Variants in ADGRD1 observed in about 807,000 individuals in gnomAD.
ADGRD1 encodes the protein G-protein coupled receptor 133.
ADGRD1 carries 77 observed loss-of-function variants against 113.4 expected under a neutral mutation model. That is an observed-to-expected ratio of 0.68 (90% confidence interval 0.57 to 0.82). The LOEUF (loss-of-function observed/expected upper bound fraction) is 0.82. ADGRD1 is among the 40% of genes least tolerant of loss of function. ADGRD1 has a pLI of 0.00. For missense variants in ADGRD1, 1,036 were observed against 1,139.1 expected (o/e 0.91, Z 1.30); for synonymous variants, 474 against 475.0 (o/e 1.00, Z 0.03).
At position 130,987,444 on chromosome 12, in the gene ADGRD1, A is replaced by T. The variant is rs761722223; in HGVS notation, c.745+95A>T. 3 of 1,424,624 alleles carry T rather than the reference A, an allele frequency of 2.1e-6. No individual in the cohort carries two copies. The African/African-American group carries it at 4.2e-5, about 20-fold the overall frequency. 88.2% of individuals were successfully genotyped at this position (1,424,624 alleles called of 1,614,324 possible). A position where few individuals can be genotyped will look rare whatever the true frequency, so the allele number is the denominator to read the frequency against. On this transcript the variant is annotated intron_variant, in intron 6 of 24. Transcript: ENST00000261654. ...TTCTCCCCACTCTCCCGTTGCAGCT[A>T]TCAGCACTGCAGGCGTGAGATGTGT... is the stretch of plus-strand genomic sequence containing the variant.
At chr12:131,044,920 G>C (rs1593109767) in intron 13 of ADGRD1, among the ~76,000 whole-genome samples, 1 of 152,372 alleles carries the variant, frequency 6.6e-6, no homozygotes, top group African/African-American at 2.4e-5. Flanking sequence ...GGTTCGTGTG[G>C]CTGGTCCCTG....
rs1870908308 is a variant in ADGRD1 at position 130,965,521 on chromosome 12, C to G, written c.104-942C>G. On this transcript the variant is annotated intron_variant, in intron 2 of 24. Transcript: ENST00000261654. This position sits in a 1 kb window ranked among gnomAD's most constrained non-coding sequence, Gnocchi z 4.8. ...ACTTCTGTGAATGAATCCCAGAGGA[C>G]TAATCCCCGAGAAGACTAAAATTGT... 6.6e-6 allele frequency among the ~76,000 whole-genome samples: 1 copy of G among 152,088 alleles called. No individual in the cohort carries two copies. The highest frequency in any genetic ancestry group is 1.5e-5 in the Non-Finnish European group (1 of 68,032).
intron 14 of ADGRD1, among the ~76,000 whole-genome samples, chr12:131,077,234 G>C (rs993072171): frequency 1.4e-5 from 2 of 147,076 alleles, no homozygotes; most frequent in Non-Finnish European, 3.0e-5. Context: ...TGGAGCAGCT[G>C]AGGAAGGGGG....
At position 131,078,219 on chromosome 12, in the gene ADGRD1, C is replaced by T. The variant is rs567721596; in HGVS notation, c.1547+1345C>T. On this transcript the variant is annotated intron_variant, in intron 14 of 24. Coordinates refer to ENST00000261654, the MANE Select transcript of ADGRD1 (RefSeq NM_198827.5). The stretch of plus-strand genomic sequence containing the variant: ...AGACGCTGAGCTGGGGGTGCAGCAG[C>T]AGGTCGGCATAATCTCCCTTTATCT... Among the ~76,000 whole-genome samples the T allele has an allele frequency of 6.6e-5, 10 of 152,336 alleles. No homozygotes were observed. In the East Asian group the frequency reaches 9.6e-4, roughly 15 times the overall value.
At chr12:130,972,917 C>T (rs1029421278) in intron 4 of ADGRD1, among the ~76,000 whole-genome samples, 3 of 152,032 alleles carry the variant, frequency 2.0e-5, no homozygotes, top group African/African-American at 4.8e-5. Flanking sequence ...ATGGGACCAG[C>T]GGGAAATCAG....
At chr12:131,127,557 T>C (rs1950768543) in intron 20 of ADGRD1, among the ~76,000 whole-genome samples, 2 of 145,798 alleles carry the variant, frequency 1.4e-5, no homozygotes, top group Non-Finnish European at 3.0e-5. Context: ...GAGGTGTTGG[T>C]TGGGTTGGTT....
chr12:131,086,205 G>A (rs1357538537), intron 15 of ADGRD1, among the ~76,000 whole-genome samples: 12 of 152,320 alleles, frequency 7.9e-5, no homozygotes, highest in South Asian at 2.1e-4. Context: ...GCTGCCCCGC[G>A]TGTCCTGCGT....
intron 15 of ADGRD1, among the ~76,000 whole-genome samples, chr12:131,093,421 G>A (rs984336900): frequency 7.2e-5 from 11 of 152,210 alleles, no homozygotes; most frequent in Non-Finnish European, 1.0e-4. Context: ...TGCAGCCTCC[G>A]CCCAGACCCA....
At chr12:131,065,752 A>G (rs1168186670) in intron 13 of ADGRD1, among the ~76,000 whole-genome samples, 7 of 151,146 alleles carry the variant, frequency 4.6e-5, no homozygotes, top group Non-Finnish European at 3.0e-5. Flanking sequence ...GAGAGGGGGT[A>G]TTTTTATCAG....
rs1355893167 is a variant in ADGRD1, at chr12:130,966,260, G to C, written c.104-203G>C. Among the ~76,000 whole-genome samples the C allele has an allele frequency of 6.6e-6, 1 of 152,108 alleles. No individual in the cohort carries two copies. The highest frequency in any genetic ancestry group is 6.5e-5 in the Admixed American group (1 of 15,274). On this transcript the variant is annotated intron_variant, in intron 2 of 24. Coordinates refer to ENST00000261654, the MANE Select transcript of ADGRD1 (RefSeq NM_198827.5). The surrounding 1 kb of genome is among the most constrained non-coding windows in gnomAD (Gnocchi z 4.6). ...ATTTACCCTGTTTTGTCCAGTTAAGGAACTATTTACCAACTTCTAATTTAA... is the reference window on the plus strand; with the variant it reads ...ATTTACCCTGTTTTGTCCAGTTAAGCAACTATTTACCAACTTCTAATTTAA...
chr12:131,002,414 A>G (rs1876500710), intron 9 of ADGRD1: 2 of 656,596 alleles, frequency 3.0e-6, no homozygotes, highest in African/African-American at 3.9e-5. Flanking sequence ...TGGCCTCAGC[A>G]TTCTATTTCC....
chr12:130,997,714 T>C lies in ADGRD1; in HGVS notation c.967-2669T>C, dbSNP rs1364586167. Among the ~76,000 whole-genome samples, 4 of 146,118 alleles carry C rather than the reference T, an allele frequency of 2.7e-5. No individual in the cohort carries two copies. In the Admixed American group the frequency reaches 2.7e-4, roughly 10 times the overall value. On this transcript the variant is annotated intron_variant, in intron 8 of 24. Coordinates refer to ENST00000261654, the MANE Select transcript of ADGRD1 (RefSeq NM_198827.5). ...GGCCGGGCAGAGACGCTCCTCACTT[T>C]CCAGACTGGGCAGCCAGGCAGAGGG...
intron 15 of ADGRD1, among the ~76,000 whole-genome samples, chr12:131,091,654 G>A (rs1415514754): frequency 6.6e-6 from 1 of 152,238 alleles, no homozygotes; most frequent in African/African-American, 2.4e-5. Flanking sequence ...ATCTTGGTAT[G>A]TGATTATCAG....
chr12:131,003,073 C>T lies in ADGRD1; in HGVS notation c.1027-112C>T. The T allele has an allele frequency of 1.2e-6, 1 of 860,318 alleles. No individual in the cohort carries two copies. Among genetic ancestry groups the T allele is most frequent in the East Asian group, 2.4e-5 (1 of 41,208 alleles). The allele number at this position is 860,318 out of a possible 1,614,324, so 53.3% of individuals were successfully genotyped here. On this transcript the variant is annotated intron_variant, in intron 9 of 24. Coordinates refer to ENST00000261654, the MANE Select transcript of ADGRD1 (RefSeq NM_198827.5). The surrounding 1 kb of genome is among the most constrained non-coding windows in gnomAD (Gnocchi z 4.8). Reference sequence around the variant, plus strand: ...GAAGGGGCAGTTGTGTGACTTCTTCCTCCCTCGTGGCCAACGTGGGGAAAC... The same window carrying T: ...GAAGGGGCAGTTGTGTGACTTCTTCTTCCCTCGTGGCCAACGTGGGGAAAC...
At chr12:131,026,994 A>C (rs1880040362) in intron 13 of ADGRD1, 1 of 152,218 alleles carries the variant, frequency 6.6e-6, no homozygotes, top group Non-Finnish European at 1.5e-5. Context: ...AGATGAAAGC[A>C]GGCGGGTGGC....
At chr12:131,115,282 G>C (rs539791829) in intron 18 of ADGRD1, among the ~76,000 whole-genome samples, 1 of 152,316 alleles carries the variant, frequency 6.6e-6, no homozygotes, top group African/African-American at 2.4e-5. Context: ...GGGTCAGAGA[G>C]GACACTGCAC....
chr12:130,998,200 G>A (rs988220263), intron 8 of ADGRD1, among the ~76,000 whole-genome samples: 1 of 151,906 alleles, frequency 6.6e-6, no homozygotes, highest in Non-Finnish European at 1.5e-5. Flanking sequence ...GGAGAGGGAG[G>A]GGGAGGGGGA....
chr12:131,017,780 T>TAC (rs980924110), intron 13 of ADGRD1, among the ~76,000 whole-genome samples: 2 of 131,684 alleles, frequency 1.5e-5, no homozygotes, highest in South Asian at 2.4e-4. Flanking sequence ...ACACACTCAG[T>TAC]ACACACACAC....
chr12:130,969,277 G>A (rs1023175173), intron 3 of ADGRD1: 4 of 534,208 alleles, frequency 7.5e-6, no homozygotes, highest in African/African-American at 5.8e-5. Context: ...CATTAGAACA[G>A]GGGTCCCCAG....
Sources: gnomAD v4.1 joint callset for allele counts (sites outside exome capture counted in the v4.1 genomes callset) on GRCh38, gnomAD v4.1.1 for gene constraint, Gnocchi (gnomAD v3.1) non-coding constraint, MANE v1.5 for transcripts, NCBI Gene and HGNC (gene_info 2026-07-23, HGNC 2026-07-21) for gene names.